The following COG3 variants were observed in gnomAD, a reference collection of about 807,000 sequenced individuals.
COG3 encodes the protein conserved oligomeric Golgi complex subunit 3.
COG3 carries 32 observed loss-of-function variants against 114.1 expected under a neutral mutation model. The ratio of observed to expected loss-of-function variants is 0.28; its 90% CI spans 0.21 to 0.38. The LOEUF (loss-of-function observed/expected upper bound fraction) is 0.38. Among genes scored for constraint, COG3 ranks in the 10% least tolerant of loss-of-function variants. COG3 has a pLI of 1.00. For missense variants in COG3, 813 were observed against 973.2 expected (o/e 0.84, Z 2.19); for synonymous variants, 352 against 365.7 (o/e 0.96, Z 0.43).
At chr13:45,512,788 TA>T (rs1266551978) in intron 16 of COG3, among the ~76,000 whole-genome samples, 1 of 152,072 alleles carries the variant, frequency 6.6e-6, no homozygotes, top group African/African-American at 2.4e-5. Flanking sequence ...CTAAATTTTT[TA>T]TTTTTTGTAG....
rs10571583 is a variant in COG3, at chr13:45,508,068, T to TAAAAAAAAAAAAAAAAAAAA, written c.1595-1612_1595-1593dup. Reference sequence around the variant, plus strand: ...TAGGTGACAGAGCCTAGGTCCAACCTAAAAAAAAAAAAAAAAAAAAAAAAA... The same window carrying TAAAAAAAAAAAAAAAAAAAA: ...TAGGTGACAGAGCCTAGGTCCAACCTAAAAAAAAAAAAAAAAAAAAAAAAAAAAAAAAAAAAAAAAAAAAA... On this transcript the variant is annotated intron_variant, in intron 14 of 22. Transcript: ENST00000349995. 2.5e-4 allele frequency among the ~76,000 whole-genome samples: 8 copies of TAAAAAAAAAAAAAAAAAAAA among 32,270 alleles called. 1 individual carries two copies. Among genetic ancestry groups the TAAAAAAAAAAAAAAAAAAAA allele is most frequent in the African/African-American group, 8.9e-4 (7 of 7,846 alleles). The allele number at this position is 32,270 out of a possible 152,430, so 21.2% of individuals were successfully genotyped here. A position where few individuals can be genotyped will look rare whatever the true frequency, so the allele number is the denominator to read the frequency against.
intron 10 of COG3, 69 bp from the exon 11 acceptor site, chr13:45,492,090 C>T: frequency 1.1e-6 from 1 of 930,756 alleles, no homozygotes; most frequent in Non-Finnish European, 1.7e-6. Context: ...AAAGTGTAGG[C>T]TTTATTTCAT....
intron 22 of COG3, among the ~76,000 whole-genome samples, chr13:45,533,042 C>T (rs3014898): frequency 0.68 from 103,452 of 151,414 alleles, 36,508 homozygotes; most frequent in Middle Eastern, 0.8. Context: ...AGGAGGAGGC[C>T]GAGTGTATGG....
intron 17 of COG3, among the ~76,000 whole-genome samples, chr13:45,518,432 G>A (rs528643362): frequency 8.5e-5 from 13 of 152,306 alleles, no homozygotes; most frequent in Non-Finnish European, 1.8e-4. Flanking sequence ...AGCTGGGTAA[G>A]TATATGAGTA....
chr13:45,505,841 C>A (rs977951581), intron 14 of COG3, among the ~76,000 whole-genome samples: 4 of 151,886 alleles, frequency 2.6e-5, no homozygotes, highest in African/African-American at 9.7e-5. Context: ...GCAGTCCTCC[C>A]ACCTTGGCCT....
intron 7 of COG3, among the ~76,000 whole-genome samples, chr13:45,484,577 CTTATTTAT>C (rs200717475): frequency 0.72 from 98,598 of 137,034 alleles, 35,176 homozygotes; most frequent in Admixed American, 0.81. Flanking sequence ...CCTAAGCTTG[CTTATTTAT>C]TTATTTATTT....
At chr13:45,493,592 T>C in intron 12 of COG3, 106 bp downstream of exon 12, 2 of 993,672 alleles carry the variant, frequency 2.0e-6, no homozygotes, top group Admixed American at 2.7e-5. Context: ...AAATTTAATA[T>C]TTTTGAAGCT....
chr13:45,506,497 C>T (rs2985963), intron 14 of COG3, among the ~76,000 whole-genome samples: 130,263 of 152,222 alleles, frequency 0.86, 55,964 homozygotes, highest in Admixed American at 0.9. Context: ...AGAGGTGGAA[C>T]AGTTGAGAGG....
At chr13:45,513,723 C>T (rs1871223981) in intron 16 of COG3, among the ~76,000 whole-genome samples, 1 of 151,408 alleles carries the variant, frequency 6.6e-6, no homozygotes, top group African/African-American at 2.4e-5. Context: ...AAGTTATAGA[C>T]AGGCAGATTT....
chr13:45,506,414 C>T (rs538837866), intron 14 of COG3, among the ~76,000 whole-genome samples: 10 of 151,936 alleles, frequency 6.6e-5, no homozygotes, highest in African/African-American at 2.4e-4. Context: ...GTGTAGTTTG[C>T]GTAAACAGGT....
At chr13:45,514,496 T>G (rs1392981909) in intron 16 of COG3, among the ~76,000 whole-genome samples, 4 of 152,090 alleles carry the variant, frequency 2.6e-5, no homozygotes, top group Non-Finnish European at 4.4e-5. Flanking sequence ...GAAAAGCGTT[T>G]TGATAGTTCG....
chr13:45,485,209 G>A, intron 7 of COG3, among the ~76,000 whole-genome samples: 1 of 138,114 alleles, frequency 7.2e-6, no homozygotes, highest in Admixed American at 7.1e-5. Flanking sequence ...TCCCGGACGG[G>A]GCGGCTGGCC....
Position 45,518,763 on chromosome 13 carries a change from TGCA to T in COG3, c.1936_1938del (p.Ala646del), listed in dbSNP as rs1331229348. 6.2e-7 allele frequency: 1 copy of T among 1,610,806 alleles called. No homozygotes were observed. Among genetic ancestry groups the T allele is most frequent in the Non-Finnish European group, 8.5e-7 (1 of 1,178,422 alleles). On this transcript the variant is annotated inframe_deletion and splice_region_variant, in exon 18 of 23. Coordinates refer to ENST00000349995, the MANE Select transcript of COG3 (RefSeq NM_031431.4). ...TGGATGAGTAATTTTGTTTCACAGA[TGCA>T]GCATTTAAAATCCTGAACCCTATGA...
chr13:45,497,460 TA>T (rs1192081863), intron 13 of COG3, among the ~76,000 whole-genome samples: 1 of 152,120 alleles, frequency 6.6e-6, no homozygotes, highest in African/African-American at 2.4e-5. Flanking sequence ...TTAATTATTT[TA>T]AAGCAAATTC....
At position 45,511,840 on chromosome 13, in the gene COG3, A is replaced by G. The variant is rs1870903724; in HGVS notation, c.1795A>G (p.Ile599Val). The stretch of plus-strand genomic sequence containing the variant: ...GTCCTTACTTGGAGCGTCAGAGTCT[A>G]TCAGCAAAAACAAGGTTTGATGAAG... Reference protein sequence around the residue: ...IQSLLGASESISKNKTQIDGQ... With the variant: ...IQSLLGASESVSKNKTQIDGQ... Residue 599 changes from isoleucine to valine, a missense_variant, in exon 16 of 23, where the codon ATC becomes GTC. Ile to Val is a conservative substitution (Grantham distance 29, BLOSUM62 3). Around this residue, in one of 2 missense-constraint regions of COG3, gnomAD observed 389 missense variants for 542.6 expected, o/e 0.72. Transcript: ENST00000349995. 7 of 1,613,470 alleles carry G rather than the reference A, an allele frequency of 4.3e-6. No individual in the cohort carries two copies. The highest frequency in any genetic ancestry group is 5.9e-6 in the Non-Finnish European group (7 of 1,179,384).
chr13:45,511,199 C>T (rs577141342), intron 15 of COG3, among the ~76,000 whole-genome samples: 22 of 151,886 alleles, frequency 1.4e-4, no homozygotes, highest in Non-Finnish European at 2.5e-4. Flanking sequence ...TTCACCGCCT[C>T]CTTCAGCATT....
At chr13:45,472,170 T>G (rs1209957248) in intron 1 of COG3, among the ~76,000 whole-genome samples, 1 of 152,236 alleles carries the variant, frequency 6.6e-6, no homozygotes, top group East Asian at 1.9e-4. Flanking sequence ...CTTGTGTAAT[T>G]TCTGATGAGA....
At chr13:45,500,410 A>G (rs1869399906) in intron 13 of COG3, among the ~76,000 whole-genome samples, 1 of 152,206 alleles carries the variant, frequency 6.6e-6, no homozygotes, top group East Asian at 1.9e-4. Flanking sequence ...TCCTGTATTC[A>G]TCAGCATATC....
At chr13:45,468,721 C>A (rs1228456077) in intron 1 of COG3, among the ~76,000 whole-genome samples, 1 of 152,204 alleles carries the variant, frequency 6.6e-6, no homozygotes, top group Non-Finnish European at 1.5e-5. Flanking sequence ...GTTAGTGTCT[C>A]CATTTGCATA....
Sources: allele counts gnomAD v4.1 joint callset (sites outside exome capture counted in the v4.1 genomes callset), GRCh38; gene constraint gnomAD v4.1.1; regional missense constraint gnomAD v4.1.1; transcripts MANE v1.5; gene names NCBI Gene and HGNC (gene_info 2026-07-23, HGNC 2026-07-21).